Variants in EXOC6 observed in about 807,000 individuals in gnomAD.
The protein encoded by EXOC6 is SEC15-like 1.
A neutral mutation model predicts 112.5 loss-of-function variants in EXOC6; 60 were observed. The ratio of observed to expected loss-of-function variants is 0.53; its 90% CI spans 0.43 to 0.66. The LOEUF (loss-of-function observed/expected upper bound fraction) is 0.66. EXOC6 is among the 30% of genes least tolerant of loss of function. The probability of loss-of-function intolerance (pLI) is 0.00; values close to 1 mark genes in which losing one functional copy is unlikely to be tolerated. For synonymous variants in EXOC6, 295 were observed against 308.0 expected, an observed-to-expected ratio of 0.96 and a Z score of 0.44; for missense variants, 855 against 957.1, an observed-to-expected ratio of 0.89 and a Z score of 1.41.
intron 6 of EXOC6, 81 bp downstream of exon 6, chr10:92,909,712 T>A: frequency 1.2e-6 from 1 of 811,424 alleles, no homozygotes; most frequent in Non-Finnish European, 1.9e-6. Flanking sequence ...TTCTTTAACT[T>A]ACATAAAATG....
chr10:92,947,166 T>TC (rs1439872624), intron 13 of EXOC6, among the ~76,000 whole-genome samples: 1 of 152,176 alleles, frequency 6.6e-6, no homozygotes, highest in African/African-American at 2.4e-5. Flanking sequence ...CAACAAAAAT[T>TC]CCCCAAATAT....
chr10:92,873,838 G>A (rs574885821), intron 1 of EXOC6, among the ~76,000 whole-genome samples: 116 of 152,102 alleles, frequency 7.6e-4, no homozygotes, highest in Admixed American at 3.9e-3. Context: ...ATCACTTGAG[G>A]TCAGGAGTTT....
intron 1 of EXOC6, among the ~76,000 whole-genome samples, chr10:92,865,601 C>T (rs1848136756): frequency 2.0e-5 from 3 of 152,042 alleles, no homozygotes; most frequent in Middle Eastern, 3.4e-3. Flanking sequence ...GCCACCACAC[C>T]CAACTAATTT....
At chr10:92,927,479 G>A (rs1159577068) in intron 8 of EXOC6, among the ~76,000 whole-genome samples, 1 of 152,202 alleles carries the variant, frequency 6.6e-6, no homozygotes, top group African/African-American at 2.4e-5. Context: ...GATCTCTGTT[G>A]TTGGATAATG....
chr10:92,835,579 T>C (rs1846634844), intron 1 of EXOC6, among the ~76,000 whole-genome samples: 1 of 145,272 alleles, frequency 6.9e-6, no homozygotes, highest in Admixed American at 6.9e-5. Flanking sequence ...AGTGGAAGGA[T>C]ATGTGTGTGT....
intron 20 of EXOC6, among the ~76,000 whole-genome samples, chr10:93,047,850 G>T (rs1846075814): frequency 6.6e-6 from 1 of 152,140 alleles, no homozygotes; most frequent in African/African-American, 2.4e-5. Flanking sequence ...GGAGGCTGAA[G>T]CAGGAGAATT....
chr10:93,058,141 G>T, intron 21 of EXOC6, 82 bp from the exon 22 acceptor site: 1 of 1,292,706 alleles, frequency 7.7e-7, no homozygotes, highest in Non-Finnish European at 1.1e-6. Context: ...GGATAATTCA[G>T]AGCATGCCAA....
intron 1 of EXOC6, among the ~76,000 whole-genome samples, chr10:92,863,487 T>C (rs1221144605): frequency 6.6e-6 from 1 of 152,142 alleles, no homozygotes; most frequent in East Asian, 1.9e-4. Flanking sequence ...GTGTAAAAGA[T>C]GTCTTGAGGC....
chr10:92,830,775 C>T (rs774658376), upstream of EXOC6, among the ~76,000 whole-genome samples: 1 of 152,136 alleles, frequency 6.6e-6, no homozygotes, highest in Admixed American at 6.5e-5. Context: ...CTTCTCTTGT[C>T]AGTGGTCAGA....
intron 1 of EXOC6, among the ~76,000 whole-genome samples, chr10:92,853,703 G>C (rs1052578596): frequency 6.6e-6 from 1 of 152,058 alleles, no homozygotes; most frequent in Admixed American, 6.6e-5. Flanking sequence ...AATGAACTTT[G>C]ATCCATGCTT....
At chr10:92,933,648 A>G (rs968166200) in intron 9 of EXOC6, among the ~76,000 whole-genome samples, 1 of 152,236 alleles carries the variant, frequency 6.6e-6, no homozygotes, top group Admixed American at 6.5e-5. Context: ...ATGAAAGTCA[A>G]ATGATCAAAT....
intron 19 of EXOC6, among the ~76,000 whole-genome samples, chr10:93,010,549 A>G (rs544010529): frequency 6.6e-6 from 1 of 152,128 alleles, no homozygotes; most frequent in African/African-American, 2.4e-5. Context: ...AAATACAAAA[A>G]TTAGCCGGGC....
At chr10:93,014,145 T>C (rs1844388866) in intron 19 of EXOC6, 49 bp from the exon 20 acceptor site, 1 of 1,356,368 alleles carries the variant, frequency 7.4e-7, no homozygotes, top group Non-Finnish European at 1.0e-6. Context: ...TAAACTCTTG[T>C]ATATTTTGTG....
chr10:93,050,160 G>C (rs1197426705), intron 20 of EXOC6, among the ~76,000 whole-genome samples: 1 of 152,198 alleles, frequency 6.6e-6, no homozygotes, highest in Admixed American at 6.5e-5. Context: ...CTGGTATAAA[G>C]TAAGGTAAAT....
At position 92,946,146 on chromosome 10, in the gene EXOC6, AT is replaced by A. The variant is rs556431060; in HGVS notation, c.1311-2126del. Reference sequence around the variant, plus strand: ...TCTACTAAAAAAACAAAAAAAAAAAATTAGCTGGGCGTGGTGGCCGGCGCCT... The same window carrying A: ...TCTACTAAAAAAACAAAAAAAAAAAATAGCTGGGCGTGGTGGCCGGCGCCT... On this transcript the variant is annotated intron_variant, in intron 13 of 21. Coordinates refer to ENST00000260762, the MANE Select transcript of EXOC6 (RefSeq NM_019053.6). 7.1e-3 allele frequency among the ~76,000 whole-genome samples: 1,079 copies of A among 152,010 alleles called. 8 individuals are homozygous for A. Among genetic ancestry groups the A allele is most frequent in the Non-Finnish European group, 0.011 (772 of 67,980 alleles).
intron 18 of EXOC6, among the ~76,000 whole-genome samples, chr10:92,989,030 G>A (rs1306851361): frequency 6.6e-6 from 1 of 152,122 alleles, no homozygotes; most frequent in Non-Finnish European, 1.5e-5. Flanking sequence ...TGGATACTTT[G>A]TCTTGCTTTT....
chr10:92,847,809 G>C (rs944007453), upstream of EXOC6, among the ~76,000 whole-genome samples: 1 of 143,626 alleles, frequency 7.0e-6, no homozygotes, highest in Admixed American at 7.0e-5. Context: ...CACGGACTTT[G>C]GTATGAATTA....
At chr10:93,047,535 C>CAAACA (rs149468459) in intron 20 of EXOC6, among the ~76,000 whole-genome samples, 42 of 151,262 alleles carry the variant, frequency 2.8e-4, no homozygotes, top group East Asian at 1.6e-3. Flanking sequence ...GGCTATGTCT[C>CAAACA]AAACAAAACA....
chr10:93,010,229 G>A (rs1844178259), intron 19 of EXOC6, among the ~76,000 whole-genome samples: 1 of 152,126 alleles, frequency 6.6e-6, no homozygotes, highest in African/African-American at 2.4e-5. Flanking sequence ...AAAAAGCCCT[G>A]AGTGTTATAA....
Sources: allele counts gnomAD v4.1 joint callset (sites outside exome capture counted in the v4.1 genomes callset), GRCh38; gene constraint gnomAD v4.1.1; transcripts MANE v1.5; gene names NCBI Gene and HGNC (gene_info 2026-07-23, HGNC 2026-07-21).